Variants in ARHGEF7 observed in about 807,000 individuals in gnomAD.
ARHGEF7 encodes the protein PAK-interacting exchange factor beta.
A neutral mutation model predicts 109.8 loss-of-function variants in ARHGEF7; 33 were observed. The observed-to-expected ratio is 0.30, with a 90% CI of 0.23 to 0.40. The LOEUF is 0.40. Among genes scored for constraint, ARHGEF7 ranks in the 10% least tolerant of loss-of-function variants. The probability of loss-of-function intolerance (pLI) is 1.00; values close to 1 mark genes in which losing one functional copy is unlikely to be tolerated. For synonymous variants in ARHGEF7, 458 were observed against 424.6 expected (o/e 1.08, Z -0.97); for missense variants, 938 against 1,098.5 (o/e 0.85, Z 2.07).
chr13:111,202,163 G>A (rs760017100), intron 2 of ARHGEF7, among the ~76,000 whole-genome samples: 2 of 152,188 alleles, frequency 1.3e-5, no homozygotes, highest in Non-Finnish European at 2.9e-5. Context: ...ATTATGGTGC[G>A]AAGTGTGTCT....
rs375046692 is a variant in ARHGEF7 at position 111,221,533 on chromosome 13, C to A, written c.670+3653C>A. On this transcript the variant is annotated intron_variant, in intron 5 of 21. Coordinates refer to ENST00000646102, the MANE Select transcript of ARHGEF7 (RefSeq NM_001354046.2). Reference sequence around the variant, plus strand: ...TATATAGATATATATCTATATATATCTATATATAGATACATATCTATATAT... The same window carrying A: ...TATATAGATATATATCTATATATATATATATATAGATACATATCTATATAT... Among the ~76,000 whole-genome samples the A allele has an allele frequency of 8.9e-3, 302 of 33,784 alleles. 7 individuals are homozygous for A. Among genetic ancestry groups the A allele is most frequent in the Non-Finnish European group, 0.012 (214 of 17,580 alleles). The allele number at this position is 33,784 out of a possible 152,430, so 22.2% of individuals were successfully genotyped here. A position where few individuals can be genotyped will look rare whatever the true frequency, so the allele number is the denominator to read the frequency against.
chr13:111,196,010 G>A (rs2080456114), intron 2 of ARHGEF7, among the ~76,000 whole-genome samples: 1 of 152,174 alleles, frequency 6.6e-6, no homozygotes, highest in Non-Finnish European at 1.5e-5. Context: ...GCTTTCTCCT[G>A]ATATCTGCGG....
At position 111,131,650 on chromosome 13, in the gene ARHGEF7, G is replaced by C. The variant is rs2074759528; in HGVS notation, c.165+15959G>C. Among the ~76,000 whole-genome samples, 1 of 152,196 alleles carries C rather than the reference G, an allele frequency of 6.6e-6. No individual in the cohort carries two copies. The highest frequency in any genetic ancestry group is 2.1e-4 in the South Asian group (1 of 4,836). Reference sequence around the variant, plus strand: ...CTGAAGAGAGAAACTAAGGCAGGGTGGTCAGAGGCCATTAGGAGACGGGCA... The same window carrying C: ...CTGAAGAGAGAAACTAAGGCAGGGTCGTCAGAGGCCATTAGGAGACGGGCA... On this transcript the variant is annotated intron_variant, in intron 1 of 21. Transcript: ENST00000646102. This position sits in a 1 kb window ranked among gnomAD's most constrained non-coding sequence, Gnocchi z 4.4.
At chr13:111,296,624 ATAAGC>A (rs1025518503) in intron 19 of ARHGEF7, among the ~76,000 whole-genome samples, 1 of 152,268 alleles carries the variant, frequency 6.6e-6, no homozygotes, top group Non-Finnish European at 1.5e-5. Flanking sequence ...GAAATAGATT[ATAAGC>A]TGATCTAGCA....
chr13:111,267,763 G>C, intron 9 of ARHGEF7, 93 bp downstream of exon 9: 3 of 1,450,158 alleles, frequency 2.1e-6, no homozygotes, highest in Non-Finnish European at 2.8e-6. Context: ...ATAGTCCCTT[G>C]GTTATTAAAG....
chr13:111,238,699 T>C (rs1159997985), intron 6 of ARHGEF7, among the ~76,000 whole-genome samples: 1 of 151,382 alleles, frequency 6.6e-6, no homozygotes, highest in East Asian at 1.9e-4. Context: ...GTTGGATGCC[T>C]AGGCTGGAGA....
intron 1 of ARHGEF7, among the ~76,000 whole-genome samples, chr13:111,149,669 A>G (rs947171058): frequency 5.9e-5 from 9 of 152,368 alleles, no homozygotes; most frequent in African/African-American, 2.2e-4. Flanking sequence ...GTATTTCTTT[A>G]TAATAAACAC....
chr13:111,151,880 TAAAA>T (rs1016950713), intron 1 of ARHGEF7, among the ~76,000 whole-genome samples: 2 of 146,912 alleles, frequency 1.4e-5, no homozygotes, highest in African/African-American at 5.0e-5. Flanking sequence ...GAATGAGAAC[TAAAA>T]AAAAAAGGCA....
intron 2 of ARHGEF7, among the ~76,000 whole-genome samples, chr13:111,166,586 A>G (rs2077149456): frequency 6.6e-6 from 1 of 152,178 alleles, no homozygotes; most frequent in Non-Finnish European, 1.5e-5. Flanking sequence ...GTTTTTATCA[A>G]GAGGGTAGAG....
chr13:111,186,217 C>T (rs1022486981), intron 2 of ARHGEF7, among the ~76,000 whole-genome samples: 9 of 152,114 alleles, frequency 5.9e-5, no homozygotes, highest in African/African-American at 1.4e-4. Flanking sequence ...CCTGCCTTCC[C>T]GTTGCTGTGC....
At chr13:111,220,976 A>G (rs920234517) in intron 5 of ARHGEF7, among the ~76,000 whole-genome samples, 3 of 150,468 alleles carry the variant, frequency 2.0e-5, no homozygotes, top group African/African-American at 7.3e-5. Flanking sequence ...AGATAGATAT[A>G]TAGATATGAA....
intron 2 of ARHGEF7, among the ~76,000 whole-genome samples, chr13:111,198,691 G>A (rs1345972459): frequency 1.3e-5 from 2 of 152,218 alleles, no homozygotes; most frequent in African/African-American, 4.8e-5. Flanking sequence ...GACCCAAAGA[G>A]TGAGCAGCAG....
intron 1 of ARHGEF7, among the ~76,000 whole-genome samples, chr13:111,139,334 CCTCT>C (rs896118828): frequency 1.3e-5 from 2 of 152,176 alleles, no homozygotes; most frequent in African/African-American, 4.8e-5. Context: ...CTTGTCTCTC[CCTCT>C]GTGTCTCTCT....
Position 111,225,476 on chromosome 13 carries a change from G to A in ARHGEF7, c.670+7596G>A, listed in dbSNP as rs189713719. On this transcript the variant is annotated intron_variant, in intron 5 of 21. Transcript: ENST00000646102. ...AGACTTCTCTGCTTAGATTTATAGG[G>A]CGTATCTCACTTTATTGCACTTTGC... 1.1e-3 allele frequency among the ~76,000 whole-genome samples: 160 copies of A among 151,600 alleles called. 1 individual carries two copies. The highest frequency in any genetic ancestry group is 3.8e-3 in the African/African-American group (156 of 41,294).
intron 19 of ARHGEF7, chr13:111,293,756 C>T (rs781683913): frequency 1.2e-5 from 12 of 985,332 alleles, no homozygotes; most frequent in South Asian, 4.7e-5. Flanking sequence ...TCCAGGTGGC[C>T]GTGATTTCTT....
At chr13:111,241,221 T>A in intron 6 of ARHGEF7, 1 of 1,536,184 alleles carries the variant, frequency 6.5e-7, no homozygotes, top group African/African-American at 1.4e-5. Context: ...GAAAACTGCC[T>A]GCGTCCTCTG....
intron 8 of ARHGEF7, among the ~76,000 whole-genome samples, chr13:111,259,672 T>G (rs2090871920): frequency 6.6e-6 from 1 of 152,152 alleles, no homozygotes; most frequent in Non-Finnish European, 1.5e-5. Context: ...GCCTAGGCTG[T>G]GAAGACTACA....
intron 8 of ARHGEF7, among the ~76,000 whole-genome samples, chr13:111,249,938 T>C (rs1156599827): frequency 6.6e-6 from 1 of 152,160 alleles, no homozygotes; most frequent in African/African-American, 2.4e-5. Flanking sequence ...GCATAGTGAG[T>C]TTGGGTCCCA....
intron 1 of ARHGEF7, among the ~76,000 whole-genome samples, chr13:111,141,756 G>C (rs2075361864): frequency 6.6e-6 from 1 of 152,080 alleles, no homozygotes; most frequent in South Asian, 2.1e-4. Context: ...CCAAGTGTTG[G>C]TAATTGTGAA....
Sources: gnomAD v4.1 joint callset for allele counts (sites outside exome capture counted in the v4.1 genomes callset) on GRCh38, gnomAD v4.1.1 for gene constraint, Gnocchi (gnomAD v3.1) non-coding constraint, MANE v1.5 for transcripts, NCBI Gene and HGNC (gene_info 2026-07-23, HGNC 2026-07-21) for gene names.